The following GEN1 variants were observed in gnomAD, a reference collection of about 807,000 sequenced individuals.
GEN1 encodes GEN1 structure-specific endonuclease.
Under a neutral mutation model 67.6 loss-of-function variants are expected in GEN1, and 64 were observed. The ratio of observed to expected loss-of-function variants is 0.95; its 90% CI spans 0.77 to 1.17. The LOEUF (loss-of-function observed/expected upper bound fraction) is 1.17. GEN1 is among the 50% of genes most tolerant of loss of function. GEN1 has a pLI of 0.00. For synonymous variants in GEN1, 371 were observed against 359.4 expected (o/e 1.03, Z -0.37); for missense variants, 1,058 against 1,048.3 (o/e 1.01, Z -0.13).
chr2:17,758,701 T>C (rs1192371426), intron 1 of GEN1, among the ~76,000 whole-genome samples: 2 of 152,112 alleles, frequency 1.3e-5, no homozygotes, highest in East Asian at 1.9e-4. Flanking sequence ...ATAATACTCA[T>C]GGCAGGGCTG....
rs1433990972 is a variant in GEN1 at position 17,784,560 on chromosome 2, C to T, written c.*2621C>T. 3.3e-5 allele frequency: 5 copies of T among 152,106 alleles called. No homozygotes were observed. The highest frequency in any genetic ancestry group is 7.4e-5 in the Non-Finnish European group (5 of 68,024). 9.4% of individuals were successfully genotyped at this position (152,106 alleles called of 1,614,324 possible). A position where few individuals can be genotyped will look rare whatever the true frequency, so the allele number is the denominator to read the frequency against. ...TAATAGCCTAAAAGTGGAAACAATCCCAGTTCCAGAATGAGGAAGGGGAGA... is the reference window on the plus strand; with the variant it reads ...TAATAGCCTAAAAGTGGAAACAATCTCAGTTCCAGAATGAGGAAGGGGAGA... On this transcript the variant is annotated 3_prime_UTR_variant, in exon 14 of 14. Transcript: ENST00000381254.
At position 17,787,070 on chromosome 2, in the gene GEN1, T is replaced by C. The variant is rs534770520; in HGVS notation, c.*5131T>C. The C allele has an allele frequency of 6.6e-6, 1 of 152,344 alleles. No individual in the cohort carries two copies. Among genetic ancestry groups the C allele is most frequent in the Admixed American group, 6.5e-5 (1 of 15,298 alleles). 9.4% of individuals were successfully genotyped at this position (152,344 alleles called of 1,614,324 possible). Reference sequence around the variant, plus strand: ...ATTTGTTATTCCCTGCACGGATGTCTCTGCCTGAAATGCTTGCTGCTTCCT... The same window carrying C: ...ATTTGTTATTCCCTGCACGGATGTCCCTGCCTGAAATGCTTGCTGCTTCCT... On this transcript the variant is annotated 3_prime_UTR_variant, in exon 14 of 14. Coordinates refer to ENST00000381254, the MANE Select transcript of GEN1 (RefSeq NM_001130009.3).
At chr2:17,757,478 C>T (rs979549010) in intron 1 of GEN1, among the ~76,000 whole-genome samples, 1 of 151,926 alleles carries the variant, frequency 6.6e-6, no homozygotes, top group African/African-American at 2.4e-5. Context: ...TCATAAACAT[C>T]ACTGCACTAG....
Position 17,788,180 on chromosome 2 carries a change from C to T in GEN1, c.*6241C>T, listed in dbSNP as rs2125195861. The T allele has an allele frequency of 6.6e-6, 1 of 152,328 alleles. No individual in the cohort carries two copies. The highest frequency in any genetic ancestry group is 1.5e-5 in the Non-Finnish European group (1 of 68,028). 9.4% of individuals were successfully genotyped at this position (152,328 alleles called of 1,614,324 possible). ...GGGTAAAACAGCTTAAATAGTATTA[C>T]TGAAGGCAGCCTCCTTTCATCTATA... On this transcript the variant is annotated 3_prime_UTR_variant, in exon 14 of 14. Coordinates refer to ENST00000381254, the MANE Select transcript of GEN1 (RefSeq NM_001130009.3).
rs2125119510 is a variant in GEN1 at position 17,760,063 on chromosome 2, A to G, written c.120A>G (p.Thr40=). 5 of 1,614,128 alleles carry G rather than the reference A, an allele frequency of 3.1e-6. No homozygotes were observed. The highest frequency in any genetic ancestry group is 3.4e-6 in the Non-Finnish European group (4 of 1,179,994). The change falls in exon 2 of 14, where the codon ACA becomes ACG. Residue 40 remains threonine (T), a synonymous_variant. Coordinates refer to ENST00000381254, the MANE Select transcript of GEN1 (RefSeq NM_001130009.3). ...GTCTCTGGGTGTGTGAGGCACAGAC[A>G]GTCAAAAAAATGATGGGCAGCGTCA... ...DLSLWVCEAQ[T]VKKMMGSVMK...
chr2:17,774,459 A>T, intron 11 of GEN1, 58 bp downstream of exon 11: 1 of 1,388,024 alleles, frequency 7.2e-7, no homozygotes, highest in Non-Finnish European at 9.7e-7. Flanking sequence ...TTTATAATTA[A>T]AATATTCCTA....
intron 5 of GEN1, among the ~76,000 whole-genome samples, chr2:17,767,700 A>G: frequency 6.6e-6 from 1 of 152,226 alleles, no homozygotes; most frequent in Non-Finnish European, 1.5e-5. Context: ...ACTCACAGAA[A>G]CCAACTTTAG....
chr2:17,758,831 G>T (rs13017989), intron 1 of GEN1, among the ~76,000 whole-genome samples: 1 of 150,842 alleles, frequency 6.6e-6, no homozygotes, highest in Non-Finnish European at 1.5e-5. Context: ...TCCAGCCAGC[G>T]TGACAGAGCG....
At chr2:17,769,320 C>T (rs1204155413) in intron 6 of GEN1, among the ~76,000 whole-genome samples, 1 of 151,842 alleles carries the variant, frequency 6.6e-6, no homozygotes, top group Non-Finnish European at 1.5e-5. Context: ...TCAAGTGATC[C>T]CCCTGCCTTG....
At chr2:17,777,647 A>T (rs1672499472) in intron 11 of GEN1, among the ~76,000 whole-genome samples, 1 of 152,208 alleles carries the variant, frequency 6.6e-6, no homozygotes, top group East Asian at 1.9e-4. Context: ...TACAAGGTAC[A>T]TGTAGAATAA....
At chr2:17,765,248 A>C in intron 4 of GEN1, 175 bp downstream of exon 4, 2 of 569,222 alleles carry the variant, frequency 3.5e-6, no homozygotes, top group Non-Finnish European at 5.9e-6. Context: ...TTCTCTTCAA[A>C]ATGTGGATTT....
Position 17,786,387 on chromosome 2 carries a change from A to G in GEN1, c.*4448A>G, listed in dbSNP as rs1010270785. The G allele has an allele frequency of 1.3e-5, 2 of 152,252 alleles. No individual in the cohort carries two copies. Among genetic ancestry groups the G allele is most frequent in the Admixed American group, 6.5e-5 (1 of 15,290 alleles). 9.4% of individuals were successfully genotyped at this position (152,252 alleles called of 1,614,324 possible). On this transcript the variant is annotated 3_prime_UTR_variant, in exon 14 of 14. Transcript: ENST00000381254. ...GAAGGAAACTCTAGATTAGCATCAC[A>G]CAAGGGATCCTAACGTGGCATTTGA...
At position 17,768,723 on chromosome 2, in the gene GEN1, C is replaced by T; in HGVS notation, c.637-15C>T. On this transcript the variant is annotated splice_polypyrimidine_tract_variant and intron_variant, in intron 5 of 13. Transcript: ENST00000381254. ...GATTAACATTGGAATTATTTTTTTT[C>T]CCACTTTCTGAAAGGGAGTCCCTGG... The T allele has an allele frequency of 1.9e-6, 3 of 1,584,058 alleles. No individual in the cohort carries two copies. The highest frequency in any genetic ancestry group is 1.7e-5 in the Admixed American group (1 of 58,036).
chr2:17,778,163 C>G, intron 12 of GEN1, 100 bp downstream of exon 12: 1 of 478,776 alleles, frequency 2.1e-6, no homozygotes, highest in Non-Finnish European at 3.8e-6. Context: ...TACACACACA[C>G]ATAGATATGT....
At chr2:17,761,622 T>G in intron 3 of GEN1, 40 bp downstream of exon 3, 1 of 1,393,072 alleles carries the variant, frequency 7.2e-7, no homozygotes, top group Non-Finnish European at 9.9e-7. Flanking sequence ...CGATTTGAAT[T>G]AAAGGGTGCA....
chr2:17,756,985 A>C (rs1420850277), intron 1 of GEN1, among the ~76,000 whole-genome samples: 1 of 152,234 alleles, frequency 6.6e-6, no homozygotes, highest in East Asian at 1.9e-4. Context: ...TGATGATGGA[A>C]ACAGAGATTT....
intron 5 of GEN1, among the ~76,000 whole-genome samples, chr2:17,768,382 A>G (rs1672027560): frequency 6.6e-6 from 1 of 152,240 alleles, no homozygotes; most frequent in African/African-American, 2.4e-5. Flanking sequence ...TACAAACATA[A>G]AGTTAGGTTA....
intron 5 of GEN1, 117 bp from the exon 6 acceptor site, chr2:17,768,621 T>C: frequency 2.9e-6 from 2 of 698,128 alleles, no homozygotes; most frequent in South Asian, 2.0e-5. Context: ...TCTTTTCCTA[T>C]CTTTATTGAA....
At position 17,760,281 on chromosome 2, in the gene GEN1, T is replaced by G. The variant is rs189350694; in HGVS notation, c.161+177T>G. On this transcript the variant is annotated intron_variant, in intron 2 of 13. Coordinates refer to ENST00000381254, the MANE Select transcript of GEN1 (RefSeq NM_001130009.3). The stretch of plus-strand genomic sequence containing the variant: ...TATATTAAGGACTCACATTCGTACC[T>G]CTTACCCTTTGAGCTCCAGACTCAC... Among the ~76,000 whole-genome samples the G allele has an allele frequency of 3.2e-3, 483 of 152,308 alleles. 5 individuals carry two copies. Among genetic ancestry groups the G allele is most frequent in the African/African-American group, 0.011 (459 of 41,568 alleles).
Sources: gnomAD v4.1 joint callset for allele counts (sites outside exome capture counted in the v4.1 genomes callset) on GRCh38, gnomAD v4.1.1 for gene constraint, MANE v1.5 for transcripts, NCBI Gene and HGNC (gene_info 2026-07-23, HGNC 2026-07-21) for gene names.